TTLL1: variants seen among roughly 807,000 people sequenced by gnomAD.
The protein encoded by TTLL1 is TTL family tubulin polyglutamylase complex subunit L1, also known as polyglutamylase complex subunit TTLL1.
In TTLL1, 33 loss-of-function variants were observed where a neutral mutation model predicts 47.8. The ratio of observed to expected loss-of-function variants is 0.69; its 90% confidence interval spans 0.52 to 0.92. The LOEUF is 0.92. TTLL1 is among the 40% of genes least tolerant of loss of function. The probability of loss-of-function intolerance (pLI) is 0.00; values close to 1 mark genes in which losing one functional copy is unlikely to be tolerated. For missense variants in TTLL1, 488 were observed against 547.5 expected, an observed-to-expected ratio of 0.89 and a Z score of 1.08; for synonymous variants, 225 against 214.1, an observed-to-expected ratio of 1.05 and a Z score of -0.45.
At chr22:43,087,510 T>C (rs528087478) in intron 1 of TTLL1, among the ~76,000 whole-genome samples, 15 of 128,540 alleles carry the variant, frequency 1.2e-4, no homozygotes, top group Non-Finnish European at 1.9e-4. Flanking sequence ...GGCAACAGAG[T>C]GAGACTCCAT....
chr22:43,039,786 G>A lies in TTLL1; in HGVS notation c.1262C>T (p.Thr421Ile). Residue 421 changes from threonine to isoleucine, a missense_variant, in exon 11 of 11, where the codon ACC becomes ATC. Transcript: ENST00000266254. The part of the protein sequence containing the change: ...SRDSGRAVLT[T>I]WK ...AGGTCCAGGTGGGACTCACTTCCAGGTGGTGAGGACCGCTCTCCCCGAGTC... is the reference window on the plus strand; with the variant it reads ...AGGTCCAGGTGGGACTCACTTCCAGATGGTGAGGACCGCTCTCCCCGAGTC... 6.2e-7 allele frequency: 1 copy of A among 1,611,364 alleles called. No homozygotes were observed. Among genetic ancestry groups the A allele is most frequent in the South Asian group, 1.1e-5 (1 of 90,924 alleles).
At chr22:43,074,873 C>T (rs1928378649) in intron 3 of TTLL1, among the ~76,000 whole-genome samples, 1 of 151,634 alleles carries the variant, frequency 6.6e-6, no homozygotes, top group Non-Finnish European at 1.5e-5. Context: ...GACCCTGTCT[C>T]TACAAAAAAA....
In TTLL1 at chr22:43,042,944, T is replaced by C. The variant is rs535377791; in HGVS notation, c.1143-3039A>G. 3.0e-3 allele frequency among the ~76,000 whole-genome samples: 452 copies of C among 149,424 alleles called. 4 individuals are homozygous for C. The highest frequency in any genetic ancestry group is 7.1e-3 in the African/African-American group (289 of 40,736). ...CTGGCCTCTGCTGCTTTTTCTTTTTTTTTTTTTTTTTTTGAGGCAGACTTT... is the reference window on the plus strand; with the variant it reads ...CTGGCCTCTGCTGCTTTTTCTTTTTCTTTTTTTTTTTTTGAGGCAGACTTT... On this transcript the variant is annotated intron_variant, in intron 10 of 10. Transcript: ENST00000266254.
At chr22:43,047,946 C>G (rs5759113) in intron 9 of TTLL1, among the ~76,000 whole-genome samples, 107,880 of 152,098 alleles carry the variant, frequency 0.71, 39,930 homozygotes, top group African/African-American at 0.92. Context: ...GAATTGCACA[C>G]ATCTCATTGT....
chr22:43,082,883 G>A (rs1221146501), intron 1 of TTLL1, among the ~76,000 whole-genome samples: 5 of 151,602 alleles, frequency 3.3e-5, no homozygotes, highest in African/African-American at 1.2e-4. Context: ...GCATGGTGGC[G>A]GGCGCCTGTA....
chr22:43,088,397 C>T (rs1287439623), intron 1 of TTLL1, among the ~76,000 whole-genome samples: 4 of 123,546 alleles, frequency 3.2e-5, no homozygotes, highest in African/African-American at 9.0e-5. Flanking sequence ...AGTGCAGTGG[C>T]GCAATCTCGG....
chr22:43,041,089 T>C (rs926091162), intron 10 of TTLL1: 5 of 152,172 alleles, frequency 3.3e-5, no homozygotes, highest in Admixed American at 1.3e-4. Context: ...TTGCTTCCTA[T>C]GGGGGGAAAC....
At chr22:43,080,921 T>TTTTTTTTTTTTC (rs1928841143) in intron 1 of TTLL1, among the ~76,000 whole-genome samples, 1 of 94,692 alleles carries the variant, frequency 1.1e-5, no homozygotes, top group Non-Finnish European at 2.5e-5. Context: ...TTTTTTTTTT[T>TTTTTTTTTTTTC]TTTTTTTTTT....
chr22:43,084,634 C>T (rs1053732624), intron 1 of TTLL1, among the ~76,000 whole-genome samples: 12 of 151,542 alleles, frequency 7.9e-5, no homozygotes, highest in Admixed American at 5.9e-4. Flanking sequence ...CCCGAGTAGC[C>T]AGGACTACAG....
intron 1 of TTLL1, among the ~76,000 whole-genome samples, chr22:43,085,422 TGTAATAATCCCCAC>T (rs1929168801): frequency 6.6e-6 from 1 of 152,200 alleles, no homozygotes; most frequent in African/African-American, 2.4e-5. Flanking sequence ...CAACTTGACT[TGTAATAATCCCCAC>T]GAGTCAAGGG....
intron 10 of TTLL1, among the ~76,000 whole-genome samples, chr22:43,044,948 C>T (rs1465563451): frequency 6.6e-6 from 1 of 151,834 alleles, no homozygotes; most frequent in African/African-American, 2.4e-5. Context: ...CTGCAACCTC[C>T]GCCTCCCGGG....
At chr22:43,052,021 GCTTC>G in intron 8 of TTLL1, 134 bp from the exon 9 acceptor site, 1 of 755,144 alleles carries the variant, frequency 1.3e-6, no homozygotes, top group South Asian at 1.5e-5. Flanking sequence ...CACCACAAAC[GCTTC>G]CTTCCCTCCT....
At chr22:43,043,653 TC>T (rs1243893969) in intron 10 of TTLL1, among the ~76,000 whole-genome samples, 2 of 151,776 alleles carry the variant, frequency 1.3e-5, no homozygotes, top group African/African-American at 4.8e-5. Context: ...AATCTCCACT[TC>T]CCCTTCCTGC....
intron 1 of TTLL1, among the ~76,000 whole-genome samples, chr22:43,083,242 G>A (rs767252471): frequency 5.9e-5 from 9 of 152,052 alleles, no homozygotes; most frequent in East Asian, 3.9e-4. Flanking sequence ...GGTGGCGGGC[G>A]CCTGTAGTCC....
chr22:43,065,524 A>T (rs1927672016), intron 5 of TTLL1, among the ~76,000 whole-genome samples: 1 of 152,032 alleles, frequency 6.6e-6, no homozygotes, highest in Non-Finnish European at 1.5e-5. Flanking sequence ...TCCTGACCTC[A>T]AGTGATCCGC....
chr22:43,081,487 G>A (rs1262514850), intron 1 of TTLL1, among the ~76,000 whole-genome samples: 3 of 152,094 alleles, frequency 2.0e-5, no homozygotes, highest in Non-Finnish European at 2.9e-5. Context: ...ACAAGTACAT[G>A]CAGCAGAAAG....
intron 10 of TTLL1, among the ~76,000 whole-genome samples, chr22:43,045,750 C>A (rs1298471804): frequency 6.6e-6 from 1 of 151,912 alleles, no homozygotes; most frequent in African/African-American, 2.4e-5. Flanking sequence ...CCAGCCTACT[C>A]CAGCTATCCT....
chr22:43,062,050 G>C (rs1454568797), intron 7 of TTLL1, among the ~76,000 whole-genome samples: 1 of 152,184 alleles, frequency 6.6e-6, no homozygotes, highest in African/African-American at 2.4e-5. Flanking sequence ...GGATCTGTGA[G>C]AGTAGGTACT....
At chr22:43,057,995 G>A (rs1291835522) in intron 8 of TTLL1, among the ~76,000 whole-genome samples, 5 of 151,546 alleles carry the variant, frequency 3.3e-5, no homozygotes, top group Non-Finnish European at 7.4e-5. Flanking sequence ...CCAGGCTGGA[G>A]TGCAGTGGTA....
Sources: allele counts gnomAD v4.1 joint callset (sites outside exome capture counted in the v4.1 genomes callset), GRCh38; gene constraint gnomAD v4.1.1; transcripts MANE v1.5; gene names NCBI Gene and HGNC (gene_info 2026-07-23, HGNC 2026-07-21).